NBDY: variants seen among roughly 807,000 people sequenced by gnomAD.
The protein encoded by NBDY is negative regulator of P-body association, also known as P-body dissociating protein.
At chrX:56,808,045 G>A (rs1319961249) in intron 2 of NBDY, among the ~76,000 whole-genome samples, 1 of 112,041 alleles carries the variant, frequency 8.9e-6, no homozygotes, top group African/African-American at 3.2e-5. Flanking sequence ...ATTTGTCGGA[G>A]GCCTTTTCTG....
chrX:56,811,874 C>T (rs1208175976), intron 2 of NBDY, among the ~76,000 whole-genome samples: 1 of 112,065 alleles, frequency 8.9e-6, no homozygotes, highest in African/African-American at 3.2e-5. Flanking sequence ...GCTAGAAACC[C>T]AGGGCCCTGG....
intron 2 of NBDY, among the ~76,000 whole-genome samples, chrX:56,789,701 T>C (rs756303783): frequency 2.7e-5 from 3 of 111,426 alleles, no homozygotes; most frequent in African/African-American, 9.8e-5. Flanking sequence ...CAGGCACTCA[T>C]AGGGGTCCAG....
At chrX:56,785,691 A>G (rs1371990669) in intron 2 of NBDY, among the ~76,000 whole-genome samples, 2 of 111,564 alleles carry the variant, frequency 1.8e-5, no homozygotes, top group Non-Finnish European at 3.8e-5. Context: ...ACTCGGGCTT[A>G]AGGGGCTGAC....
At chrX:56,748,699 G>T (rs1383563397) in intron 2 of NBDY, among the ~76,000 whole-genome samples, 1 of 106,343 alleles carries the variant, frequency 9.4e-6, no homozygotes, top group African/African-American at 3.4e-5. Flanking sequence ...ATATACATTA[G>T]AGGGTTCAGT....
intron 1 of NBDY, 29 bp from the exon 2 acceptor site, chrX:56,732,034 A>G (rs1375380068): frequency 1.4e-5 from 4 of 293,441 alleles, no homozygotes; most frequent in Non-Finnish European, 2.4e-5. Flanking sequence ...AGAAAAAATG[A>G]TGCCACAATA....
chrX:56,810,477 T>G, intron 2 of NBDY, among the ~76,000 whole-genome samples: 1 of 110,319 alleles, frequency 9.1e-6, no homozygotes, highest in Admixed American at 9.8e-5. Context: ...AATCTTGTCT[T>G]CTTGCTTTAT....
intron 2 of NBDY, among the ~76,000 whole-genome samples, chrX:56,792,436 T>G (rs1478338247): frequency 9.0e-6 from 1 of 110,925 alleles, no homozygotes; most frequent in Non-Finnish European, 1.9e-5. Flanking sequence ...ACGTGTTCAT[T>G]TGCCTACTCT....
chrX:56,816,658 G>A (rs2069912084), intron 2 of NBDY, among the ~76,000 whole-genome samples: 1 of 109,893 alleles, frequency 9.1e-6, no homozygotes, highest in Non-Finnish European at 1.9e-5. Flanking sequence ...GTGTATGCTA[G>A]GATGATCTAA....
chrX:56,795,847 A>G (rs1002628874), intron 2 of NBDY, among the ~76,000 whole-genome samples: 1 of 112,543 alleles, frequency 8.9e-6, no homozygotes, highest in African/African-American at 3.2e-5. Context: ...AGAATGCAGG[A>G]AGATCTGGAC....
intron 2 of NBDY, among the ~76,000 whole-genome samples, chrX:56,813,611 C>T (rs960637586): frequency 5.4e-5 from 6 of 111,859 alleles, no homozygotes; most frequent in South Asian, 3.7e-4. Flanking sequence ...CAGACATGTA[C>T]GCACATGCAC....
intron 2 of NBDY, among the ~76,000 whole-genome samples, chrX:56,793,464 T>C (rs2069774678): frequency 9.0e-6 from 1 of 111,285 alleles, no homozygotes; most frequent in East Asian, 2.8e-4. Context: ...ACCAGGTGGC[T>C]GGTTCCTTTG....
chrX:56,765,543 G>A (rs552111166), intron 2 of NBDY, among the ~76,000 whole-genome samples: 11 of 111,663 alleles, frequency 9.9e-5, no homozygotes, highest in African/African-American at 3.3e-4. Flanking sequence ...AAGTGGCTCC[G>A]TGCCCCTCGT....
chrX:56,808,057 A>G (rs1229331634), intron 2 of NBDY, among the ~76,000 whole-genome samples: 1 of 112,384 alleles, frequency 8.9e-6, no homozygotes, highest in Non-Finnish European at 1.9e-5. Context: ...CCTTTTCTGC[A>G]TCTATTGAGA....
intron 1 of NBDY, among the ~76,000 whole-genome samples, chrX:56,730,052 C>T (rs1444740578): frequency 9.1e-6 from 1 of 109,332 alleles, no homozygotes. Flanking sequence ...GGCCAGCCTT[C>T]AGAAGTGTAT....
At chrX:56,805,259 G>A (rs7054332) in intron 2 of NBDY, among the ~76,000 whole-genome samples, 14,643 of 112,349 alleles carry the variant, frequency 0.13, 1,976 homozygotes, top group African/African-American at 0.41. Flanking sequence ...AAGGAATGCA[G>A]GAAGATCTGG....
rs770279451 is a variant in NBDY at position 56,795,544 on chromosome X, T to C, written c.*167-21776T>C. ...TGTCTTTGCTTGTTACAAGTCTTTC[T>C]TGATGTGTAGGCTGCACTGGGAACA... On this transcript the variant is annotated intron_variant, in intron 2 of 2. Coordinates refer to ENST00000374922, the MANE Select transcript of NBDY (RefSeq NM_001348129.2). Among the ~76,000 whole-genome samples the C allele has an allele frequency of 1.6e-4, 18 of 112,229 alleles. No homozygotes were observed. In the East Asian group the frequency reaches 5.1e-3, roughly 32 times the overall value.
chrX:56,743,868 A>G (rs773084351), intron 2 of NBDY, among the ~76,000 whole-genome samples: 2 of 109,250 alleles, frequency 1.8e-5, no homozygotes. Flanking sequence ...TTTAAGATTC[A>G]TTATTGGTTT....
chrX:56,814,366 T>A (rs1215828483), intron 2 of NBDY, among the ~76,000 whole-genome samples: 1 of 111,552 alleles, frequency 9.0e-6, no homozygotes, highest in Non-Finnish European at 1.9e-5. Flanking sequence ...GAAACAGTTT[T>A]ATTAAAGTTG....
chrX:56,797,945 A>G (rs1257607747), intron 2 of NBDY, among the ~76,000 whole-genome samples: 1 of 112,340 alleles, frequency 8.9e-6, no homozygotes, highest in Non-Finnish European at 1.9e-5. Context: ...ACACTGACAC[A>G]TAAAGTCACA....
Sources: allele counts gnomAD v4.1 joint callset (sites outside exome capture counted in the v4.1 genomes callset), GRCh38; gene constraint gnomAD v4.1.1; transcripts MANE v1.5; gene names NCBI Gene and HGNC (gene_info 2026-07-23, HGNC 2026-07-21).